The following RTTN variants were observed in gnomAD, a reference collection of about 807,000 sequenced individuals.
The protein encoded by RTTN is rotatin.
Under a neutral mutation model 269.2 loss-of-function variants are expected in RTTN, and 182 were observed. The ratio of observed to expected loss-of-function variants is 0.68; its 90% CI spans 0.60 to 0.76. RTTN has a LOEUF of 0.76. RTTN is among the 30% of genes least tolerant of loss of function. RTTN has a pLI of 0.00. For missense variants in RTTN, 2,545 were observed against 2,608.6 expected (o/e 0.98, Z 0.53); for synonymous variants, 1,006 against 963.5 (o/e 1.04, Z -0.82).
At chr18:70,120,255 C>T (rs2059702127) in intron 26 of RTTN, among the ~76,000 whole-genome samples, 1 of 152,178 alleles carries the variant, frequency 6.6e-6, no homozygotes, top group South Asian at 2.1e-4. Flanking sequence ...AAGGCTCTCA[C>T]CAGATATGCC....
intron 40 of RTTN, among the ~76,000 whole-genome samples, chr18:70,035,688 C>T (rs150922511): frequency 6.6e-6 from 1 of 152,096 alleles, no homozygotes; most frequent in Non-Finnish European, 1.5e-5. Flanking sequence ...GCAACTGCAA[C>T]AAAAGCAAAA....
chr18:70,074,093 G>C, intron 33 of RTTN, 99 bp from the exon 34 acceptor site: 8 of 704,182 alleles, frequency 1.1e-5, no homozygotes, highest in East Asian at 3.1e-5. Context: ...CAAAACTAAA[G>C]AAAGGAAAAA....
chr18:70,088,065 T>C lies in RTTN; in HGVS notation c.4226A>G (p.Asn1409Ser), dbSNP rs771997957. 1 of 1,613,990 alleles carries C rather than the reference T, an allele frequency of 6.2e-7. No homozygotes were observed. The highest frequency in any genetic ancestry group is 1.1e-5 in the South Asian group (1 of 91,084). ...GCVALANSCQ[N>S]ISGGLWGTVV... is the part of the protein sequence containing the mutation. Reference sequence around the variant, plus strand: ...AGTTCCCCAGAGCCCACCGGAAATGTTCTGACAACTGTTTGCTAAGGCCAC... The same window carrying C: ...AGTTCCCCAGAGCCCACCGGAAATGCTCTGACAACTGTTTGCTAAGGCCAC... The change falls in exon 31 of 49, where the codon AAC becomes AGC. Residue 1409 changes from asparagine to serine, a missense_variant. Physicochemically the swap from Asn to Ser is conservative, Grantham distance 46. Coordinates refer to ENST00000640769, the MANE Select transcript of RTTN (RefSeq NM_173630.4).
intron 44 of RTTN, 120 bp downstream of exon 44, chr18:70,024,602 A>G (rs1292159261): frequency 1.1e-6 from 1 of 913,876 alleles, no homozygotes; most frequent in Non-Finnish European, 1.7e-6. Flanking sequence ...TGCCCATCAT[A>G]TCCTCAATAA....
At position 70,176,802 on chromosome 18, in the gene RTTN, A is replaced by G. The variant is rs2061313993; in HGVS notation, c.1349T>C (p.Met450Thr). 6.8e-6 allele frequency: 11 copies of G among 1,613,904 alleles called. No homozygotes were observed. Among genetic ancestry groups the G allele is most frequent in the Non-Finnish European group, 8.5e-6 (10 of 1,179,936 alleles). The change falls in exon 11 of 49, where the codon ATG becomes ACG. Residue 450 changes from methionine to threonine, a missense_variant. By Grantham distance (81) the Met-to-Thr change is moderately conservative. Coordinates refer to ENST00000640769, the MANE Select transcript of RTTN (RefSeq NM_173630.4). The part of the protein sequence containing the change: ...LLVLGALGET[M>T]CYHKSSISLE... ...ACTGATACTACTTTTATGGTAGCAC[A>G]TGGTTTCTCCAAGGGCTCCCAACAC...
intron 39 of RTTN, among the ~76,000 whole-genome samples, chr18:70,050,266 T>C (rs898149325): frequency 2.0e-5 from 3 of 152,082 alleles, no homozygotes; most frequent in African/African-American, 7.2e-5. Flanking sequence ...GGGCGAAGGA[T>C]ACGAACAGAC....
chr18:70,173,491 CA>C (rs397974179), intron 11 of RTTN, among the ~76,000 whole-genome samples: 753 of 48,474 alleles, frequency 0.016, no homozygotes, highest in Non-Finnish European at 0.018. Flanking sequence ...GACTCCAACT[CA>C]AAAAAAAAAA....
chr18:70,193,014 TG>T (rs935737333), intron 8 of RTTN: 11 of 287,888 alleles, frequency 3.8e-5, no homozygotes, highest in Non-Finnish European at 6.3e-5. Context: ...CATTTTGTTT[TG>T]GGGGACACAT....
intron 40 of RTTN, among the ~76,000 whole-genome samples, chr18:70,042,744 G>C (rs2057383445): frequency 6.6e-6 from 1 of 152,204 alleles, no homozygotes; most frequent in South Asian, 2.1e-4. Flanking sequence ...AAATTCTGAA[G>C]TAAATGATTT....
At chr18:70,111,271 C>T (rs1182705912) in intron 27 of RTTN, among the ~76,000 whole-genome samples, 9 of 152,222 alleles carry the variant, frequency 5.9e-5, no homozygotes, top group Admixed American at 4.6e-4. Context: ...CGGGGAGACA[C>T]CTCCTAGTAG....
chr18:70,073,613 C>T (rs1233623963), intron 34 of RTTN, among the ~76,000 whole-genome samples: 4 of 152,106 alleles, frequency 2.6e-5, no homozygotes, highest in Non-Finnish European at 4.4e-5. Context: ...GTAGCTATAC[C>T]GTAGCAAGAC....
intron 23 of RTTN, among the ~76,000 whole-genome samples, chr18:70,133,209 AAGC>A (rs1256345476): frequency 2.0e-5 from 3 of 152,144 alleles, no homozygotes; most frequent in Non-Finnish European, 4.4e-5. Flanking sequence ...ATCTCATTCT[AAGC>A]ATGACTACTG....
At chr18:70,091,624 T>C (rs2058848723) in intron 30 of RTTN, 1 of 152,282 alleles carries the variant, frequency 6.6e-6, no homozygotes, top group Admixed American at 6.5e-5. Flanking sequence ...GAAGTGTCTG[T>C]TGTCTAAGCC....
chr18:70,039,266 A>G (rs559706751), intron 40 of RTTN, among the ~76,000 whole-genome samples: 1 of 152,280 alleles, frequency 6.6e-6, no homozygotes, highest in African/African-American at 2.4e-5. Context: ...ATATTTCATA[A>G]TCAAACTCCT....
At chr18:70,144,932 G>T (rs2060350762) in intron 18 of RTTN, among the ~76,000 whole-genome samples, 1 of 152,206 alleles carries the variant, frequency 6.6e-6, no homozygotes, top group Admixed American at 6.5e-5. Context: ...GAAAACAGTG[G>T]ACTAGTGGAC....
Position 70,006,394 on chromosome 18 carries a change from T to C in RTTN, c.6512A>G (p.Tyr2171Cys). Residue 2171 changes from tyrosine to cysteine, a missense_variant, in exon 47 of 49, where the codon TAC (tyrosine) becomes TGC (cysteine). Physicochemically the swap from Tyr to Cys is radical, Grantham distance 194. Transcript: ENST00000640769. ...IGAAALWALI[Y>C]NYQKAKTALK... Reference sequence around the variant, plus strand: ...TTTAAAACTGACCTTCTGATAATTGTAAATCAGAGCCCAAAGGGCAGCTGC... The same window carrying C: ...TTTAAAACTGACCTTCTGATAATTGCAAATCAGAGCCCAAAGGGCAGCTGC... 2.5e-6 allele frequency: 4 copies of C among 1,612,842 alleles called. No homozygotes were observed. Among genetic ancestry groups the C allele is most frequent in the Non-Finnish European group, 3.4e-6 (4 of 1,178,804 alleles).
Position 70,139,555 on chromosome 18 carries a change from A to C in RTTN, c.2788+44T>G, listed in dbSNP as rs752701224. The C allele has an allele frequency of 4.9e-6, 6 of 1,230,316 alleles. No individual in the cohort carries two copies. The South Asian group carries it at 7.8e-5, about 16-fold the overall frequency. 76.2% of individuals were successfully genotyped at this position (1,230,316 alleles called of 1,614,324 possible). A position where few individuals can be genotyped will look rare whatever the true frequency, so the allele number is the denominator to read the frequency against. Reference sequence around the variant, plus strand: ...TTACAATTAAAGAAGAAACACTTAAAATTTAAGAACAATCTAATTATTAGC... The same window carrying C: ...TTACAATTAAAGAAGAAACACTTAACATTTAAGAACAATCTAATTATTAGC... On this transcript the variant is annotated intron_variant, in intron 21 of 48. Transcript: ENST00000640769.
intron 6 of RTTN, among the ~76,000 whole-genome samples, chr18:70,197,249 C>A (rs146009501): frequency 6.6e-6 from 1 of 152,158 alleles, no homozygotes; most frequent in South Asian, 2.1e-4. Flanking sequence ...CGTTACTCAC[C>A]GCTACTGTAT....
At chr18:70,137,045 C>A (rs1219074438) in intron 21 of RTTN, among the ~76,000 whole-genome samples, 1 of 151,990 alleles carries the variant, frequency 6.6e-6, no homozygotes, top group Admixed American at 6.6e-5. Flanking sequence ...AAAAATCATT[C>A]GGAAAAATAT....
Sources: allele counts gnomAD v4.1 joint callset (sites outside exome capture counted in the v4.1 genomes callset), GRCh38; gene constraint gnomAD v4.1.1; transcripts MANE v1.5; gene names NCBI Gene and HGNC (gene_info 2026-07-23, HGNC 2026-07-21).